Variants in LDB2 observed in about 807,000 individuals in gnomAD.
LDB2 encodes the protein LIM domain-binding protein 2.
LDB2 carries 12 observed loss-of-function variants against 44.3 expected under a neutral mutation model. The observed-to-expected ratio is 0.27, with a 90% CI of 0.17 to 0.44. LDB2 has a LOEUF of 0.44. Among genes scored for constraint, LDB2 ranks in the 20% least tolerant of loss-of-function variants. LDB2 has a pLI of 1.00. For missense variants in LDB2, 344 were observed against 473.5 expected (o/e 0.73, Z 2.54); for synonymous variants, 164 against 174.8 (o/e 0.94, Z 0.49).
intron 1 of LDB2, among the ~76,000 whole-genome samples, chr4:16,878,407 C>T (rs114543948): frequency 2.6e-5 from 4 of 152,188 alleles, no homozygotes; most frequent in Admixed American, 6.5e-5. Flanking sequence ...ACACCTTCCA[C>T]GGCTAATCCA....
intron 3 of LDB2, among the ~76,000 whole-genome samples, chr4:16,594,459 T>C (rs949393110): frequency 2.6e-5 from 4 of 152,212 alleles, no homozygotes; most frequent in Admixed American, 6.5e-5. Context: ...CCTCTCTGCC[T>C]GTTAGAACAG....
intron 2 of LDB2, among the ~76,000 whole-genome samples, chr4:16,713,768 T>A (rs931831400): frequency 1.3e-5 from 2 of 152,198 alleles, no homozygotes; most frequent in African/African-American, 4.8e-5. Context: ...AAATTCTTTC[T>A]AATGTTAGAC....
intron 5 of LDB2, among the ~76,000 whole-genome samples, chr4:16,539,233 CAGGT>C (rs971522947): frequency 6.6e-6 from 1 of 151,502 alleles, no homozygotes; most frequent in African/African-American, 2.4e-5. Flanking sequence ...CTTTGGGAGA[CAGGT>C]GGGTATTATC....
At chr4:16,789,898 C>T (rs980885952) in intron 1 of LDB2, among the ~76,000 whole-genome samples, 1 of 152,216 alleles carries the variant, frequency 6.6e-6, no homozygotes, top group Non-Finnish European at 1.5e-5. Flanking sequence ...CGCCACTGCA[C>T]TCTAGCCTGG....
intron 1 of LDB2, among the ~76,000 whole-genome samples, chr4:16,823,489 A>C (rs1205271469): frequency 6.6e-6 from 1 of 152,182 alleles, no homozygotes; most frequent in East Asian, 1.9e-4. Flanking sequence ...TGAGAGTTTT[A>C]AGTACATTTT....
At chr4:16,537,799 C>T (rs1033316489) in intron 5 of LDB2, among the ~76,000 whole-genome samples, 1 of 152,200 alleles carries the variant, frequency 6.6e-6, no homozygotes, top group African/African-American at 2.4e-5. Context: ...TCTGGTTCCT[C>T]TGCTGTCTGT....
At chr4:16,662,328 A>C (rs1329778167) in intron 2 of LDB2, among the ~76,000 whole-genome samples, 1 of 152,188 alleles carries the variant, frequency 6.6e-6, no homozygotes, top group Non-Finnish European at 1.5e-5. Context: ...GAAAGATGAA[A>C]ATAAACAAAG....
At chr4:16,762,518 G>A (rs894384846) in intron 1 of LDB2, among the ~76,000 whole-genome samples, 1 of 152,116 alleles carries the variant, frequency 6.6e-6, no homozygotes, top group Non-Finnish European at 1.5e-5. Context: ...GGTGGAAGGG[G>A]AGGAGAGGAA....
chr4:16,600,599 T>C (rs1327423212), intron 2 of LDB2, among the ~76,000 whole-genome samples: 1 of 152,172 alleles, frequency 6.6e-6, no homozygotes, highest in Non-Finnish European at 1.5e-5. Context: ...GTAAATATGA[T>C]TAGTCCAGAA....
chr4:16,674,371 G>A, intron 2 of LDB2: 1 of 845,408 alleles, frequency 1.2e-6, no homozygotes, highest in Non-Finnish European at 1.7e-6. Context: ...AAGAGCAGTT[G>A]CCCTGGAGGC....
intron 2 of LDB2, among the ~76,000 whole-genome samples, chr4:16,744,094 T>C (rs1461504610): frequency 2.0e-5 from 3 of 152,158 alleles, no homozygotes; most frequent in Non-Finnish European, 4.4e-5. Flanking sequence ...CTGTTTAAAA[T>C]GAAAATGAGA....
At chr4:16,849,018 A>C (rs1327273650) in intron 1 of LDB2, among the ~76,000 whole-genome samples, 1 of 152,256 alleles carries the variant, frequency 6.6e-6, no homozygotes, top group Non-Finnish European at 1.5e-5. Flanking sequence ...TCAAAGCACT[A>C]AAATGAAATC....
At chr4:16,819,887 T>A (rs1005559825) in intron 1 of LDB2, among the ~76,000 whole-genome samples, 1 of 152,154 alleles carries the variant, frequency 6.6e-6, no homozygotes. Context: ...CAACATAAAT[T>A]GCGGATGACC....
intron 1 of LDB2, among the ~76,000 whole-genome samples, chr4:16,766,566 C>T (rs55994656): frequency 1.3e-5 from 2 of 149,164 alleles, no homozygotes; most frequent in African/African-American, 2.5e-5. Flanking sequence ...AGTGCAATGG[C>T]GCAATCTTGG....
At chr4:16,864,962 G>A (rs1189906839) in intron 1 of LDB2, among the ~76,000 whole-genome samples, 3 of 151,550 alleles carry the variant, frequency 2.0e-5, no homozygotes, top group Non-Finnish European at 4.4e-5. Context: ...ACCATATACC[G>A]GCCAGGCGCG....
At position 16,684,543 on chromosome 4, in the gene LDB2, A is replaced by G. The variant is rs539119570; in HGVS notation, c.235+74615T>C. Among the ~76,000 whole-genome samples the G allele has an allele frequency of 4.6e-5, 7 of 152,364 alleles. No individual in the cohort carries two copies. The East Asian group carries it at 1.2e-3, about 25-fold the overall frequency. On this transcript the variant is annotated intron_variant, in intron 2 of 7. Coordinates refer to ENST00000304523, the MANE Select transcript of LDB2 (RefSeq NM_001290.5). ...TGGCTTATTGAGCTGCTGACAGAGT[A>G]TATTTCTTGTTTTGTGGGAGAAAAA...
chr4:16,867,066 C>T (rs553852630), intron 1 of LDB2, among the ~76,000 whole-genome samples: 15 of 152,284 alleles, frequency 9.9e-5, no homozygotes, highest in Admixed American at 2.6e-4. Flanking sequence ...TCTGGCACAG[C>T]GTCTCTCAGA....
intron 1 of LDB2, among the ~76,000 whole-genome samples, chr4:16,761,327 G>A (rs74436502): frequency 0.017 from 2,629 of 152,298 alleles, 84 homozygotes; most frequent in African/African-American, 0.06. Flanking sequence ...TTCCCTGACA[G>A]TCTTTGAGAG....
intron 5 of LDB2, among the ~76,000 whole-genome samples, chr4:16,557,934 G>A (rs1341320620): frequency 6.6e-6 from 1 of 152,214 alleles, no homozygotes; most frequent in African/African-American, 2.4e-5. Flanking sequence ...TGCAGACACC[G>A]CTGCTGATAC....
Sources: gnomAD v4.1 joint callset for allele counts (sites outside exome capture counted in the v4.1 genomes callset) on GRCh38, gnomAD v4.1.1 for gene constraint, MANE v1.5 for transcripts, NCBI Gene and HGNC (gene_info 2026-07-23, HGNC 2026-07-21) for gene names.